DPYSL5: variants seen among roughly 807,000 people sequenced by gnomAD.
DPYSL5 encodes dihydropyrimidinase like 5.
DPYSL5 carries 9 observed loss-of-function variants against 58.4 expected under a neutral mutation model. The ratio of observed to expected loss-of-function variants is 0.15; its 90% CI spans 0.09 to 0.27. DPYSL5 has a LOEUF of 0.27. Ranked by LOEUF, DPYSL5 falls within the 10% of genes least tolerant of loss-of-function variation. The pLI, the probability that DPYSL5 is intolerant of heterozygous loss-of-function variation, is 1.00. For missense variants in DPYSL5, 499 were observed against 770.6 expected (o/e 0.65, Z 4.17); for synonymous variants, 293 against 301.9 (o/e 0.97, Z 0.31).
chr2:26,941,574 G>A (rs560900656), intron 9 of DPYSL5, among the ~76,000 whole-genome samples: 2 of 152,322 alleles, frequency 1.3e-5, no homozygotes, highest in South Asian at 4.1e-4. Context: ...GCAATAAGAT[G>A]TTTTTCTAGA....
chr2:26,892,986 T>C (rs1020733275), intron 1 of DPYSL5, among the ~76,000 whole-genome samples: 6 of 152,186 alleles, frequency 3.9e-5, no homozygotes, highest in African/African-American at 1.4e-4. Flanking sequence ...GGCTGTCCCC[T>C]CTTCCCTAGT....
chr2:26,865,211 A>G (rs1666110470), intron 1 of DPYSL5, among the ~76,000 whole-genome samples: 1 of 151,230 alleles, frequency 6.6e-6, no homozygotes, highest in Non-Finnish European at 1.5e-5. Flanking sequence ...CACATCCTTC[A>G]TGCTCCAAAT....
intron 2 of DPYSL5, among the ~76,000 whole-genome samples, chr2:26,907,330 T>C (rs1664321508): frequency 6.6e-6 from 1 of 152,042 alleles, no homozygotes; most frequent in South Asian, 2.1e-4. Flanking sequence ...GTCAGGCTAG[T>C]CTCGAACTCC....
intron 2 of DPYSL5, among the ~76,000 whole-genome samples, chr2:26,902,325 A>C (rs902758024): frequency 3.3e-5 from 5 of 152,070 alleles, no homozygotes; most frequent in African/African-American, 4.8e-5. Context: ...TACAGAGTAA[A>C]GAATGTTCTT....
Position 26,944,649 on chromosome 2 carries a change from T to TTTC in DPYSL5, c.1441-7_1441-6insTTC. 1 of 1,613,088 alleles carries TTTC rather than the reference T, an allele frequency of 6.2e-7. No individual in the cohort carries two copies. On this transcript the variant is annotated splice_region_variant and splice_polypyrimidine_tract_variant and intron_variant, in intron 11 of 12. Coordinates refer to ENST00000288699, the MANE Select transcript of DPYSL5 (RefSeq NM_020134.4). This position sits in a 1 kb window ranked among gnomAD's most constrained non-coding sequence, Gnocchi z 4.4. ...TGTTCTTCTGCTCTTCTTCCATCCT[T>TTTC]CCCTAGACTTTAAAGGTTAGAGGAG...
intron 2 of DPYSL5, among the ~76,000 whole-genome samples, chr2:26,921,712 A>AGT (rs1664709864): frequency 1.3e-5 from 2 of 152,150 alleles, no homozygotes; most frequent in South Asian, 4.2e-4. Context: ...GCTGGGGGAG[A>AGT]GTTTGCTGAT....
chr2:26,909,070 G>A (rs1245068575), intron 2 of DPYSL5, among the ~76,000 whole-genome samples: 2 of 152,278 alleles, frequency 1.3e-5, no homozygotes, highest in Non-Finnish European at 2.9e-5. Flanking sequence ...TTTACAGGTA[G>A]AAATTTGCGT....
chr2:26,939,584 A>C (rs1488377319), intron 8 of DPYSL5: 1 of 162,250 alleles, frequency 6.2e-6, no homozygotes, highest in Non-Finnish European at 1.4e-5. Flanking sequence ...CCCACATCCA[A>C]GGAAGGCTAT....
Position 26,934,765 on chromosome 2 carries a change from T to C in DPYSL5, c.947+31T>C, listed in dbSNP as rs748312018. The C allele has an allele frequency of 6.2e-7, 1 of 1,611,618 alleles. No individual in the cohort carries two copies. Among genetic ancestry groups the C allele is most frequent in the Non-Finnish European group, 8.5e-7 (1 of 1,178,556 alleles). On this transcript the variant is annotated intron_variant, in intron 8 of 12. Coordinates refer to ENST00000288699, the MANE Select transcript of DPYSL5 (RefSeq NM_020134.4). The surrounding 1 kb of genome is among the most constrained non-coding windows in gnomAD (Gnocchi z 4.3). Reference sequence around the variant, plus strand: ...GCGTTTCAGCAGCACATTGCAGGGATGTGTACATCTTTAGGAAGACGTCAT... The same window carrying C: ...GCGTTTCAGCAGCACATTGCAGGGACGTGTACATCTTTAGGAAGACGTCAT...
chr2:26,931,656 C>T lies in DPYSL5; in HGVS notation c.686C>T (p.Thr229Ile). The change falls in exon 6 of 13, where the codon ACT becomes ATT. Residue 229 changes from threonine (T) to isoleucine (I), a missense_variant. This residue lies in a region of DPYSL5 where 404 missense variants were observed against 647.6 expected (regional missense o/e 0.62). Coordinates refer to ENST00000288699, the MANE Select transcript of DPYSL5 (RefSeq NM_020134.4). The stretch of plus-strand genomic sequence containing the variant: ...TTCTAACAGCTGGAAGCTGAAGCCA[C>T]TCATCGTGTTATCACCATTGCAAAC... ...SRPEELEAEATHRVITIANRT... is the reference protein window; with the variant it reads ...SRPEELEAEAIHRVITIANRT... 3 of 1,614,030 alleles carry T rather than the reference C, an allele frequency of 1.9e-6. No homozygotes were observed. The highest frequency in any genetic ancestry group is 2.5e-6 in the Non-Finnish European group (3 of 1,179,968).
Position 26,931,678 on chromosome 2 carries a change from A to G in DPYSL5, c.708A>G (p.Ala236=), listed in dbSNP as rs753318314. 1 of 1,613,824 alleles carries G rather than the reference A, an allele frequency of 6.2e-7. No homozygotes were observed. Among genetic ancestry groups the G allele is most frequent in the Non-Finnish European group, 8.5e-7 (1 of 1,179,942 alleles). The change falls in exon 6 of 13, where the codon GCA becomes GCG. Residue 236 remains alanine (A), a synonymous_variant. Coordinates refer to ENST00000288699, the MANE Select transcript of DPYSL5 (RefSeq NM_020134.4). ...CCACTCATCGTGTTATCACCATTGC[A>G]AACAGGGTAAGTCCCCCGATGTCCA... ...AEATHRVITI[A]NRTHCPIYLV... is the part of the protein sequence containing the mutation.
At position 26,898,845 on chromosome 2, in the gene DPYSL5, G is replaced by A; in HGVS notation, c.261+85G>A. The A allele has an allele frequency of 6.7e-7, 1 of 1,491,506 alleles. No individual in the cohort carries two copies. 92.4% of individuals were successfully genotyped at this position (1,491,506 alleles called of 1,614,324 possible). A position where few individuals can be genotyped will look rare whatever the true frequency, so the allele number is the denominator to read the frequency against. On this transcript the variant is annotated intron_variant, in intron 2 of 12. Transcript: ENST00000288699. This position sits in a 1 kb window ranked among gnomAD's most constrained non-coding sequence, Gnocchi z 6.1. The stretch of plus-strand genomic sequence containing the variant: ...GCTGCTCCAGACTAGACTCATGTGA[G>A]CCAGGTGCTCCCAGTGTATTGCTGG...
At chr2:26,871,857 C>T (rs974794130) in intron 1 of DPYSL5, among the ~76,000 whole-genome samples, 28 of 151,976 alleles carry the variant, frequency 1.8e-4, no homozygotes, top group Admixed American at 1.4e-3. Flanking sequence ...ATATCAACAT[C>T]GTAAATAGAA....
rs1195643030 is a variant in DPYSL5 at position 26,931,621 on chromosome 2, T to C, written c.670-19T>C. 3 of 1,613,836 alleles carry C rather than the reference T, an allele frequency of 1.9e-6. No individual in the cohort carries two copies. Among genetic ancestry groups the C allele is most frequent in the Middle Eastern group, 1.7e-4 (1 of 6,054 alleles). On this transcript the variant is annotated intron_variant, in intron 5 of 12. Transcript: ENST00000288699. ...GAGATGGTGAAGTTTGGTTTCCTCCTGTCCTTTGTTTCTAACAGCTGGAAG... is the reference window on the plus strand; with the variant it reads ...GAGATGGTGAAGTTTGGTTTCCTCCCGTCCTTTGTTTCTAACAGCTGGAAG...
chr2:26,854,841 T>C (rs1294436394), intron 1 of DPYSL5, among the ~76,000 whole-genome samples: 4 of 151,984 alleles, frequency 2.6e-5, no homozygotes, highest in Non-Finnish European at 5.9e-5. Flanking sequence ...CTTTTTGAGA[T>C]GGAGTCTTAC....
intron 1 of DPYSL5, among the ~76,000 whole-genome samples, chr2:26,884,520 T>TCACACA (rs3070961): frequency 1.5e-3 from 216 of 145,630 alleles, no homozygotes; most frequent in South Asian, 0.011. Context: ...TTGTCCTATC[T>TCACACA]CACACACACA....
rs1665600602 is a variant in DPYSL5, at chr2:26,950,167, G to A, written c.*3172G>A. 1 of 152,244 alleles carries A rather than the reference G, an allele frequency of 6.6e-6. No individual in the cohort carries two copies. The highest frequency in any genetic ancestry group is 2.1e-4 in the South Asian group (1 of 4,830). The allele number at this position is 152,244 out of a possible 1,614,324, so 9.4% of individuals were successfully genotyped here. On this transcript the variant is annotated 3_prime_UTR_variant, in exon 13 of 13. Transcript: ENST00000288699. The surrounding 1 kb of genome is among the most constrained non-coding windows in gnomAD (Gnocchi z 5.3). ...CGCAGGCACAGCCTGGGGTCGGATG[G>A]AGCCTCCAGCACCCCAGCACCCAGG...
Position 26,848,170 on chromosome 2 carries a change from G to GC in DPYSL5, c.-85dup, listed in dbSNP as rs1665645591. 1 of 151,518 alleles carries GC rather than the reference G, an allele frequency of 6.6e-6. No individual in the cohort carries two copies. The highest frequency in any genetic ancestry group is 2.1e-4 in the South Asian group (1 of 4,832). The allele number at this position is 151,518 out of a possible 1,614,324, so 9.4% of individuals were successfully genotyped here. A position where few individuals can be genotyped will look rare whatever the true frequency, so the allele number is the denominator to read the frequency against. ...AGCGAGCGCGCGTGCAGCCGCCGCCGCCCCGAGCACCCGCAGCTCCGGCGC... is the reference window on the plus strand; with the variant it reads ...AGCGAGCGCGCGTGCAGCCGCCGCCGCCCCCGAGCACCCGCAGCTCCGGCGC... On this transcript the variant is annotated 5_prime_UTR_variant, in exon 1 of 13. Coordinates refer to ENST00000288699, the MANE Select transcript of DPYSL5 (RefSeq NM_020134.4).
chr2:26,905,583 A>G lies in DPYSL5; in HGVS notation c.261+6823A>G, dbSNP rs1373906054. Among the ~76,000 whole-genome samples the G allele has an allele frequency of 3.3e-5, 5 of 151,192 alleles. No homozygotes were observed. The highest frequency in any genetic ancestry group is 1.2e-4 in the African/African-American group (5 of 41,080). On this transcript the variant is annotated intron_variant, in intron 2 of 12. Transcript: ENST00000288699. This position sits in a 1 kb window ranked among gnomAD's most constrained non-coding sequence, Gnocchi z 4.0. ...CCATGCTCGTTCTTCCTGCTGCCCT[A>G]CCACCCCTCCGGCCTAGCTGTGGGG...
Sources: gnomAD v4.1 joint callset for allele counts (sites outside exome capture counted in the v4.1 genomes callset) on GRCh38, gnomAD v4.1.1 for gene constraint, gnomAD v4.1.1 regional missense constraint, Gnocchi (gnomAD v3.1) non-coding constraint, MANE v1.5 for transcripts, NCBI Gene and HGNC (gene_info 2026-07-23, HGNC 2026-07-21) for gene names.